Variants in FAM161B observed in about 807,000 individuals in gnomAD.
The protein encoded by FAM161B is FAM161 centrosomal protein B, also known as protein FAM161B.
In FAM161B, 46 loss-of-function variants were observed where a neutral mutation model predicts 61.5. The observed-to-expected ratio is 0.75, with a 90% CI of 0.59 to 0.96. The LOEUF is 0.96. FAM161B is among the 40% of genes least tolerant of loss of function. The probability of loss-of-function intolerance (pLI) is 0.00; values close to 1 mark genes in which losing one functional copy is unlikely to be tolerated. For missense variants in FAM161B, 774 were observed against 800.7 expected (o/e 0.97, Z 0.40); for synonymous variants, 284 against 302.7 (o/e 0.94, Z 0.64).
chr14:73,929,442 T>C (rs1345954330), downstream of FAM161B, among the ~76,000 whole-genome samples: 1 of 152,188 alleles, frequency 6.6e-6, no homozygotes, highest in Admixed American at 6.5e-5. Context: ...TTTTTGGAGA[T>C]CACCAAGCAG....
intron 1 of FAM161B, among the ~76,000 whole-genome samples, chr14:73,947,300 G>T (rs866984319): frequency 6.7e-6 from 1 of 149,564 alleles, no homozygotes; most frequent in Admixed American, 6.8e-5. Flanking sequence ...CAGGAGAATC[G>T]CTTGAACCCG....
In FAM161B at chr14:73,938,055, G is replaced by A. The variant is rs377363342; in HGVS notation, c.1458C>T (p.His486=). 43 of 1,613,776 alleles carry A rather than the reference G, an allele frequency of 2.7e-5. No homozygotes were observed. The highest frequency in any genetic ancestry group is 3.6e-5 in the Non-Finnish European group (42 of 1,179,874). ...TGGACATTGCTTGAGACTTCTTTTT[G>A]TGTATCTCCAGCCACTGAATACTCT... ...ADESIQWLEI[H]KKKSQAMSKS... is the part of the protein sequence containing the mutation. The change falls in exon 6 of 9, where the codon CAC becomes CAT. Residue 486 remains histidine (H), a synonymous_variant. Coordinates refer to ENST00000286544, the MANE Select transcript of FAM161B (RefSeq NM_152445.3).
At chr14:73,925,993 C>T in the FAM161B span, among the ~76,000 whole-genome samples, 1 of 152,158 alleles carries the variant, frequency 6.6e-6, no homozygotes, top group Non-Finnish European at 1.5e-5. Context: ...GTGACTGTGC[C>T]ACTGTACTCC....
Position 73,947,925 on chromosome 14 carries a change from A to AT in FAM161B, c.55-1321dup, listed in dbSNP as rs60171220. Among the ~76,000 whole-genome samples, 328 of 149,708 alleles carry AT rather than the reference A, an allele frequency of 2.2e-3. 3 individuals are homozygous for AT. Among genetic ancestry groups the AT allele is most frequent in the African/African-American group, 6.1e-3 (249 of 40,694 alleles). On this transcript the variant is annotated intron_variant, in intron 1 of 8. Transcript: ENST00000286544. The stretch of plus-strand genomic sequence containing the variant: ...ATTTAGTTAAGCGAATGACTGAGCA[A>AT]TTTTTTTTTTTTGAGACAGGTTCTT...
intron 1 of FAM161B, among the ~76,000 whole-genome samples, chr14:73,949,593 A>G (rs1594781227): frequency 6.7e-6 from 1 of 149,606 alleles, no homozygotes; most frequent in Non-Finnish European, 1.5e-5. Flanking sequence ...TCCTGACCTC[A>G]GGTGATCCAC....
rs371642424 is a variant in FAM161B, at chr14:73,946,341, A to T, written c.319T>A (p.Phe107Ile). 3.7e-6 allele frequency: 6 copies of T among 1,614,004 alleles called. No homozygotes were observed. Among genetic ancestry groups the T allele is most frequent in the Non-Finnish European group, 4.2e-6 (5 of 1,180,022 alleles). The change falls in exon 2 of 9, where the codon TTC becomes ATC. Residue 107 changes from phenylalanine (F) to isoleucine (I), a missense_variant. Phe to Ile is a conservative substitution (Grantham distance 21). Coordinates refer to ENST00000286544, the MANE Select transcript of FAM161B (RefSeq NM_152445.3). ...LSEDEEDLES[F>I]FQDKDRGMVQ... is the part of the protein sequence containing the mutation. The stretch of plus-strand genomic sequence containing the variant: ...ATCCCCCTGTCCTTGTCTTGGAAGA[A>T]ACTCTCCAGGTCCTCCTCATCTTCA...
At chr14:73,944,930 A>G (rs998210526) in intron 2 of FAM161B, 45 bp from the exon 3 acceptor site, 2 of 1,456,062 alleles carry the variant, frequency 1.4e-6, no homozygotes, top group African/African-American at 2.8e-5. Flanking sequence ...GGCAGTCAGG[A>G]GGCCCTGCTC....
chr14:73,949,859 A>G lies in FAM161B; in HGVS notation c.54+114T>C, dbSNP rs2056118543. The G allele has an allele frequency of 7.5e-6, 11 of 1,461,350 alleles. No individual in the cohort carries two copies. The South Asian group carries it at 9.2e-5, about 12-fold the overall frequency. The allele number at this position is 1,461,350 out of a possible 1,614,324, so 90.5% of individuals were successfully genotyped here. The stretch of plus-strand genomic sequence containing the variant: ...TCCGCCTCCTGGTCCCTAAACGCTC[A>G]TTTTAATCCCACGCCCCTCCGTGAC... On this transcript the variant is annotated intron_variant, in intron 1 of 8. Transcript: ENST00000286544.
In FAM161B at chr14:73,938,032, G is replaced by A; in HGVS notation, c.1481C>T (p.Ser494Phe). The A allele has an allele frequency of 6.2e-7, 1 of 1,614,102 alleles. No individual in the cohort carries two copies. ...TTTTGCACGCAAGGTCACAGATTTG[G>A]ACATTGCTTGAGACTTCTTTTTGTG... is the stretch of plus-strand genomic sequence containing the variant. ...EIHKKKSQAMSKSVTLRAKAM... is the reference protein window; with the variant it reads ...EIHKKKSQAMFKSVTLRAKAM... Residue 494 changes from serine (S) to phenylalanine (F), a missense_variant, in exon 6 of 9, where the codon TCC becomes TTC. Physicochemically the swap from Ser to Phe is radical, Grantham distance 155. Transcript: ENST00000286544.
chr14:73,930,060 A>G (rs1712947704), downstream of FAM161B, among the ~76,000 whole-genome samples: 2 of 152,218 alleles, frequency 1.3e-5, no homozygotes, highest in African/African-American at 2.4e-5. Context: ...AAGAACCAGT[A>G]TAAGAGATTC....
chr14:73,949,106 G>GTT (rs2056099718), intron 1 of FAM161B, among the ~76,000 whole-genome samples: 1 of 125,980 alleles, frequency 7.9e-6, no homozygotes, highest in Non-Finnish European at 1.8e-5. Flanking sequence ...TTTTTTGTTT[G>GTT]TTTGTTTTTG....
At chr14:73,941,926 G>A (rs572196632) in intron 4 of FAM161B, among the ~76,000 whole-genome samples, 55 of 152,270 alleles carry the variant, frequency 3.6e-4, no homozygotes, top group African/African-American at 1.3e-3. Context: ...TGCTGGTCTC[G>A]AACTCCTGAC....
chr14:73,925,079 G>T, the FAM161B span, among the ~76,000 whole-genome samples: 1 of 152,094 alleles, frequency 6.6e-6, no homozygotes, highest in African/African-American at 2.4e-5. Flanking sequence ...TAATATCTTT[G>T]GGGGTACCCA....
chr14:73,942,369 C>A lies in FAM161B; in HGVS notation c.1272G>T (p.Gln424His), dbSNP rs1479796795. Residue 424 changes from glutamine to histidine, a missense_variant and splice_region_variant, in exon 4 of 9, where the codon CAG (glutamine) becomes CAT (histidine). Coordinates refer to ENST00000286544, the MANE Select transcript of FAM161B (RefSeq NM_152445.3). ...PCDAATTGRR[Q>H]DSPQPPATPL... Reference sequence around the variant, plus strand: ...CTCCCACAGCTGCCTGGGCTCTCACCTGCCTCCTTCCGGTGGTGGCAGCAT... The same window carrying A: ...CTCCCACAGCTGCCTGGGCTCTCACATGCCTCCTTCCGGTGGTGGCAGCAT... 1.2e-5 allele frequency: 20 copies of A among 1,613,250 alleles called. No homozygotes were observed. The highest frequency in any genetic ancestry group is 1.7e-4 in the Middle Eastern group (1 of 5,974).
intron 1 of FAM161B, among the ~76,000 whole-genome samples, chr14:73,947,341 C>T (rs1377215305): frequency 1.4e-5 from 2 of 146,240 alleles, no homozygotes; most frequent in South Asian, 2.1e-4. Flanking sequence ...GATGAGATTG[C>T]GCCACTGCAC....
Position 73,946,319 on chromosome 14 carries a change from C to G in FAM161B, c.341G>C (p.Gly114Ala), listed in dbSNP as rs761213344. Reference protein sequence around the residue: ...LESFFQDKDRGMVQVQCPQAL... With the variant: ...LESFFQDKDRAMVQVQCPQAL... ...CTGCGGGCACTGGACCTGCACCATC[C>G]CCCTGTCCTTGTCTTGGAAGAAACT... The change falls in exon 2 of 9, where the codon GGG (glycine) becomes GCG (alanine). Residue 114 changes from glycine to alanine, a missense_variant. Coordinates refer to ENST00000286544, the MANE Select transcript of FAM161B (RefSeq NM_152445.3). 6.2e-7 allele frequency: 1 copy of G among 1,614,146 alleles called. No individual in the cohort carries two copies. Among genetic ancestry groups the G allele is most frequent in the Non-Finnish European group, 8.5e-7 (1 of 1,180,024 alleles).
downstream of FAM161B, among the ~76,000 whole-genome samples, chr14:73,927,646 TA>T (rs1474850168): frequency 6.6e-6 from 1 of 152,192 alleles, no homozygotes; most frequent in East Asian, 1.9e-4. Context: ...AGCGGCTAGT[TA>T]CCACATACCT....
the FAM161B span, among the ~76,000 whole-genome samples, chr14:73,923,167 ATAT>A: frequency 6.6e-6 from 1 of 152,276 alleles, no homozygotes; most frequent in South Asian, 2.1e-4. Context: ...TGCTAACACC[ATAT>A]TATTCTAAAT....
At chr14:73,936,149 A>T in intron 7 of FAM161B, 61 bp from the exon 8 acceptor site, 1 of 1,511,634 alleles carries the variant, frequency 6.6e-7, no homozygotes, top group Non-Finnish European at 8.9e-7. Flanking sequence ...ATTCTAAATT[A>T]CTTAATCAGT....
Sources: gnomAD v4.1 joint callset for allele counts (sites outside exome capture counted in the v4.1 genomes callset) on GRCh38, gnomAD v4.1.1 for gene constraint, MANE v1.5 for transcripts, NCBI Gene and HGNC (gene_info 2026-07-23, HGNC 2026-07-21) for gene names.